PDE1C: variants seen among roughly 807,000 people sequenced by gnomAD.
PDE1C encodes the protein phosphodiesterase 1C, also known as dual specificity calcium/calmodulin-dependent 3',5'-cyclic nucleotide phosphodiesterase 1C.
In PDE1C, 62 loss-of-function variants were observed where a neutral mutation model predicts 93.1. The ratio of observed to expected loss-of-function variants is 0.67; its 90% CI spans 0.54 to 0.82. The LOEUF (loss-of-function observed/expected upper bound fraction) is 0.82, where lower values mean the gene tolerates loss of function less well. Ranked by LOEUF, PDE1C falls within the 40% of genes least tolerant of loss-of-function variation. The probability of loss-of-function intolerance (pLI) is 0.00; values close to 1 mark genes in which losing one functional copy is unlikely to be tolerated. For synonymous variants in PDE1C, 325 were observed against 310.1 expected (o/e 1.05, Z -0.50); for missense variants, 742 against 884.6 (o/e 0.84, Z 2.04).
chr7:32,072,937 T>C (rs1403229051), upstream of PDE1C, among the ~76,000 whole-genome samples: 1 of 152,232 alleles, frequency 6.6e-6, no homozygotes, highest in Non-Finnish European at 1.5e-5. Flanking sequence ...AGCTTTATGA[T>C]TCATTGAGGT....
chr7:32,189,460 T>C (rs768818736), intron 2 of PDE1C, among the ~76,000 whole-genome samples: 3 of 152,206 alleles, frequency 2.0e-5, no homozygotes, highest in Non-Finnish European at 2.9e-5. Flanking sequence ...CATAACTACC[T>C]TGAAGTATGC....
intron 2 of PDE1C, among the ~76,000 whole-genome samples, chr7:31,891,647 G>C (rs1798649147): frequency 1.3e-5 from 2 of 152,048 alleles, no homozygotes; most frequent in Admixed American, 1.3e-4. Context: ...ACAAGATTAG[G>C]GGTTTACAGG....
chr7:32,166,051 CAAA>C (rs34514936), intron 3 of PDE1C, among the ~76,000 whole-genome samples: 3 of 142,858 alleles, frequency 2.1e-5, no homozygotes, highest in Non-Finnish European at 1.5e-5. Flanking sequence ...GTTTTGCCAC[CAAA>C]AAAAAAAAAA....
chr7:31,743,296 G>C, the PDE1C span, among the ~76,000 whole-genome samples: 3 of 152,202 alleles, frequency 2.0e-5, no homozygotes, highest in East Asian at 5.8e-4. Flanking sequence ...CAGCCTCCTA[G>C]TTGTTCACTC....
At chr7:31,680,874 G>A in the PDE1C span, among the ~76,000 whole-genome samples, 1 of 152,180 alleles carries the variant, frequency 6.6e-6, no homozygotes, top group African/African-American at 2.4e-5. Flanking sequence ...TAGGGTAAGT[G>A]TGGAAAATGG....
At chr7:31,740,884 C>T in the PDE1C span, among the ~76,000 whole-genome samples, 9 of 151,886 alleles carry the variant, frequency 5.9e-5, no homozygotes, top group Admixed American at 2.0e-4. Flanking sequence ...GCCTGGGAAA[C>T]GTAGCAAGAC....
intron 2 of PDE1C, among the ~76,000 whole-genome samples, chr7:31,962,898 C>T (rs1279634779): frequency 3.3e-5 from 5 of 152,172 alleles, no homozygotes; most frequent in East Asian, 1.9e-4. Context: ...ACAAGCAGGA[C>T]ATGAACACAT....
chr7:32,266,750 G>A (rs1018198207), intron 1 of PDE1C, among the ~76,000 whole-genome samples: 1 of 152,130 alleles, frequency 6.6e-6, no homozygotes, highest in African/African-American at 2.4e-5. Context: ...AGCTGGAGCT[G>A]GCGGTGAGGA....
intron 2 of PDE1C, among the ~76,000 whole-genome samples, chr7:31,967,760 A>T (rs1810256340): frequency 6.6e-6 from 1 of 152,212 alleles, no homozygotes; most frequent in African/African-American, 2.4e-5. Context: ...CTTATCCACC[A>T]TGATCAAGTG....
intron 12 of PDE1C, among the ~76,000 whole-genome samples, chr7:31,825,569 C>T (rs575350289): frequency 2.0e-5 from 3 of 152,124 alleles, no homozygotes; most frequent in South Asian, 2.1e-4. Flanking sequence ...ATGTTTGAGC[C>T]GCATTGTCAT....
intron 1 of PDE1C, among the ~76,000 whole-genome samples, chr7:32,253,373 C>A (rs13221985): frequency 0.29 from 43,387 of 152,092 alleles, 6,599 homozygotes; most frequent in East Asian, 0.44. Context: ...CCATTCACAG[C>A]TGTACTGGCC....
At chr7:31,862,883 A>G (rs1794846846) in intron 7 of PDE1C, among the ~76,000 whole-genome samples, 1 of 152,220 alleles carries the variant, frequency 6.6e-6, no homozygotes, top group Admixed American at 6.5e-5. Context: ...GCTCAGCTTC[A>G]GTATGTATTG....
intron 17 of PDE1C, among the ~76,000 whole-genome samples, chr7:31,760,926 C>T (rs1000039091): frequency 5.3e-5 from 8 of 152,038 alleles, no homozygotes; most frequent in African/African-American, 1.7e-4. Flanking sequence ...GGTAGAAAGC[C>T]CTTATCAAAA....
chr7:32,124,802 A>AT, intron 3 of PDE1C, among the ~76,000 whole-genome samples: 1 of 152,368 alleles, frequency 6.6e-6, no homozygotes, highest in East Asian at 1.9e-4. Context: ...CATTCAGGAC[A>AT]TAGGCATGGG....
chr7:31,956,301 C>A (rs1808130849), intron 2 of PDE1C, among the ~76,000 whole-genome samples: 1 of 151,954 alleles, frequency 6.6e-6, no homozygotes, highest in Non-Finnish European at 1.5e-5. Context: ...ACCATGTTGG[C>A]CAGGATGGTC....
intron 3 of PDE1C, among the ~76,000 whole-genome samples, chr7:32,153,999 A>G (rs182387302): frequency 1.3e-5 from 2 of 152,368 alleles, no homozygotes; most frequent in African/African-American, 4.8e-5. Flanking sequence ...TATGCCCTTC[A>G]TTCCAGTATT....
intron 16 of PDE1C, among the ~76,000 whole-genome samples, chr7:31,807,370 C>A (rs888979461): frequency 1.3e-5 from 2 of 151,830 alleles, no homozygotes; most frequent in Non-Finnish European, 2.9e-5. Flanking sequence ...CTTATTTGCA[C>A]AATAGAACAT....
the PDE1C span, among the ~76,000 whole-genome samples, chr7:31,625,967 T>G: frequency 6.6e-6 from 1 of 152,162 alleles, no homozygotes; most frequent in Admixed American, 6.5e-5. Context: ...TTGGTGATAA[T>G]AAATATCTTC....
intron 1 of PDE1C, among the ~76,000 whole-genome samples, chr7:32,068,094 ATC>A (rs1163152527): frequency 6.6e-6 from 1 of 152,214 alleles, no homozygotes; most frequent in African/African-American, 2.4e-5. Flanking sequence ...ATTCCTGACC[ATC>A]TGTGGTCACC....
Sources: allele counts gnomAD v4.1 joint callset (sites outside exome capture counted in the v4.1 genomes callset), GRCh38; gene constraint gnomAD v4.1.1; transcripts MANE v1.5; gene names NCBI Gene and HGNC (gene_info 2026-07-23, HGNC 2026-07-21).